Variants in FNBP1 observed in about 807,000 individuals in gnomAD.
The protein encoded by FNBP1 is formin-binding protein 1.
Under a neutral mutation model 90.6 loss-of-function variants are expected in FNBP1, and 26 were observed. That is an observed-to-expected ratio of 0.29 (90% CI 0.21 to 0.40). The LOEUF (loss-of-function observed/expected upper bound fraction) is 0.40. Among genes scored for constraint, FNBP1 ranks in the 10% least tolerant of loss-of-function variants. FNBP1 has a pLI of 1.00. For synonymous variants in FNBP1, 260 were observed against 265.2 expected (o/e 0.98, Z 0.19); for missense variants, 635 against 768.0 (o/e 0.83, Z 2.05).
At chr9:129,990,572 C>A (rs1186608505) in intron 2 of FNBP1, among the ~76,000 whole-genome samples, 2 of 152,138 alleles carry the variant, frequency 1.3e-5, no homozygotes, top group African/African-American at 4.8e-5. Flanking sequence ...GTGTGGGAAC[C>A]AGATTATACA....
At position 129,910,847 on chromosome 9, in the gene FNBP1, A is replaced by ATGTG. The variant is rs56139800; in HGVS notation, c.1186-1852_1186-1849dup. Reference sequence around the variant, plus strand: ...ATCAGACACACTGACTGACTCTCTAATGTGTGTGTGTGTGTGTGTATGTGT... The same window carrying ATGTG: ...ATCAGACACACTGACTGACTCTCTAATGTGTGTGTGTGTGTGTGTGTGTATGTGT... On this transcript the variant is annotated intron_variant, in intron 11 of 16. Transcript: ENST00000446176. Among the ~76,000 whole-genome samples, 254 of 132,886 alleles carry ATGTG rather than the reference A, an allele frequency of 1.9e-3. 2 individuals are homozygous for ATGTG. Among genetic ancestry groups the ATGTG allele is most frequent in the African/African-American group, 4.1e-3 (164 of 40,282 alleles). 87.2% of individuals were successfully genotyped at this position (132,886 alleles called of 152,430 possible). A position where few individuals can be genotyped will look rare whatever the true frequency, so the allele number is the denominator to read the frequency against.
chr9:129,959,867 G>C (rs1387711739), intron 4 of FNBP1, among the ~76,000 whole-genome samples: 2 of 152,088 alleles, frequency 1.3e-5, no homozygotes, highest in Admixed American at 1.3e-4. Context: ...TCTGTCTGTG[G>C]ATTTGTTTAT....
chr9:130,020,917 C>T (rs2057767478), intron 1 of FNBP1, among the ~76,000 whole-genome samples: 1 of 152,156 alleles, frequency 6.6e-6, no homozygotes, highest in South Asian at 2.1e-4. Context: ...TTAGTGCCAA[C>T]ATCCTCTATC....
the FNBP1 span, among the ~76,000 whole-genome samples, chr9:130,052,477 G>C: frequency 3.9e-5 from 6 of 152,016 alleles, no homozygotes; most frequent in Non-Finnish European, 1.5e-5. Flanking sequence ...CTGTCACCCA[G>C]GCTGGAGTGC....
intron 1 of FNBP1, among the ~76,000 whole-genome samples, chr9:130,024,360 G>A (rs1356626400): frequency 6.6e-6 from 1 of 152,168 alleles, no homozygotes; most frequent in Non-Finnish European, 1.5e-5. Context: ...TGAAGTGGGA[G>A]GATGGCTTGA....
chr9:130,017,878 T>G (rs1427963022), intron 1 of FNBP1, among the ~76,000 whole-genome samples: 3 of 150,534 alleles, frequency 2.0e-5, no homozygotes, highest in South Asian at 2.1e-4. Context: ...GTGGTTTTTT[T>G]TTTTTTTTTT....
chr9:130,036,483 ATGTAC>A (rs1180574068), intron 1 of FNBP1, among the ~76,000 whole-genome samples: 1 of 152,216 alleles, frequency 6.6e-6, no homozygotes, highest in Non-Finnish European at 1.5e-5. Context: ...ATTCTGTCTA[ATGTAC>A]AAAGTGAGGG....
intron 6 of FNBP1, among the ~76,000 whole-genome samples, chr9:129,939,602 C>T (rs1040588003): frequency 1.6e-4 from 25 of 152,032 alleles, no homozygotes; most frequent in Middle Eastern, 3.5e-3. Context: ...GGAAGAGTGT[C>T]TTCTAAAATA....
rs538214212 is a variant in FNBP1, at chr9:130,012,623, A to ATTTGT, written c.25-17670_25-17666dup. ...TATCTTTTGGATCCTGAGGTAGGAAATTTGTTTTGTTTTGTTTTGTTTTGT... is the reference window on the plus strand; with the variant it reads ...TATCTTTTGGATCCTGAGGTAGGAAATTTGTTTTGTTTTGTTTTGTTTTGTTTTGT... On this transcript the variant is annotated intron_variant, in intron 1 of 16. Transcript: ENST00000446176. 1.6e-4 allele frequency among the ~76,000 whole-genome samples: 25 copies of ATTTGT among 152,128 alleles called. No homozygotes were observed. The South Asian group carries it at 1.9e-3, about 11-fold the overall frequency.
chr9:129,940,917 A>C (rs766173801), intron 6 of FNBP1, among the ~76,000 whole-genome samples: 1 of 151,626 alleles, frequency 6.6e-6, no homozygotes, highest in African/African-American at 2.4e-5. Context: ...GAGCCACCAC[A>C]CTGAGTTTTC....
At position 129,888,353 on chromosome 9, in the gene FNBP1, TC is replaced by T. The variant is rs2034864120; in HGVS notation, c.*2185del. ...CACTTGACTTGGTGAGGTCAGAAGT[TC>T]CTGAAGATCCCTGTCGTCCCCGTTG... On this transcript the variant is annotated 3_prime_UTR_variant, in exon 17 of 17. Transcript: ENST00000446176. The T allele has an allele frequency of 4.3e-6, 1 of 232,598 alleles. No individual in the cohort carries two copies. Among genetic ancestry groups the T allele is most frequent in the African/African-American group, 2.2e-5 (1 of 45,312 alleles). The allele number at this position is 232,598 out of a possible 1,614,324, so 14.4% of individuals were successfully genotyped here. A position where few individuals can be genotyped will look rare whatever the true frequency, so the allele number is the denominator to read the frequency against.
At chr9:130,007,119 A>G (rs1041316643) in intron 1 of FNBP1, among the ~76,000 whole-genome samples, 9 of 151,146 alleles carry the variant, frequency 6.0e-5, no homozygotes, top group African/African-American at 1.7e-4. Context: ...GCGCACGCCT[A>G]TAGTCTCAGC....
the FNBP1 span, among the ~76,000 whole-genome samples, chr9:130,048,224 G>C: frequency 1.4e-5 from 2 of 146,692 alleles, no homozygotes; most frequent in Non-Finnish European, 3.0e-5. Context: ...GCTGAGGCAG[G>C]AGAATCGCTT....
intron 1 of FNBP1, among the ~76,000 whole-genome samples, chr9:129,995,590 C>T (rs1171624198): frequency 6.6e-6 from 1 of 152,088 alleles, no homozygotes; most frequent in Non-Finnish European, 1.5e-5. Context: ...CCCATCTCTA[C>T]AAAAACAATT....
chr9:129,913,616 C>T (rs2039736576), intron 11 of FNBP1, among the ~76,000 whole-genome samples: 1 of 151,896 alleles, frequency 6.6e-6, no homozygotes, highest in Admixed American at 6.6e-5. Context: ...ACTAAAAATA[C>T]AAAAATTAGC....
chr9:129,912,495 C>A (rs2039483104), intron 11 of FNBP1, among the ~76,000 whole-genome samples: 1 of 151,526 alleles, frequency 6.6e-6, no homozygotes, highest in African/African-American at 2.4e-5. Flanking sequence ...TTGAGACGAG[C>A]CTGACCAACA....
At chr9:130,020,366 C>T (rs1044275471) in intron 1 of FNBP1, among the ~76,000 whole-genome samples, 4 of 152,082 alleles carry the variant, frequency 2.6e-5, no homozygotes, top group Admixed American at 6.6e-5. Flanking sequence ...CCCGCCACCA[C>T]GCCCGGCTAA....
chr9:129,890,127 A>G lies in FNBP1; in HGVS notation c.*412T>C, dbSNP rs1588308583. On this transcript the variant is annotated 3_prime_UTR_variant, in exon 17 of 17. Transcript: ENST00000446176. The surrounding 1 kb of genome is among the most constrained non-coding windows in gnomAD (Gnocchi z 5.8). ...GCTCAGTCCGCCTGATGTGCGCTGGACCTGCCTTGTCTCCTCAGGGGACCC... is the reference window on the plus strand; with the variant it reads ...GCTCAGTCCGCCTGATGTGCGCTGGGCCTGCCTTGTCTCCTCAGGGGACCC... The G allele has an allele frequency of 3.1e-6, 1 of 320,494 alleles. No individual in the cohort carries two copies. The highest frequency in any genetic ancestry group is 6.5e-5 in the South Asian group (1 of 15,494). The allele number at this position is 320,494 out of a possible 1,614,324, so 19.9% of individuals were successfully genotyped here. A position where few individuals can be genotyped will look rare whatever the true frequency, so the allele number is the denominator to read the frequency against.
chr9:129,981,120 C>T (rs953539572), intron 2 of FNBP1, among the ~76,000 whole-genome samples: 3 of 151,670 alleles, frequency 2.0e-5, no homozygotes, highest in Admixed American at 2.0e-4. Flanking sequence ...CAGAGTTTCA[C>T]TCTTGTTTCC....
Sources: gnomAD v4.1 joint callset for allele counts (sites outside exome capture counted in the v4.1 genomes callset) on GRCh38, gnomAD v4.1.1 for gene constraint, Gnocchi (gnomAD v3.1) non-coding constraint, MANE v1.5 for transcripts, NCBI Gene and HGNC (gene_info 2026-07-23, HGNC 2026-07-21) for gene names.